Variants in HDGFL3 observed in about 807,000 individuals in gnomAD.
HDGFL3 encodes hepatoma-derived growth factor-related protein 3.
In HDGFL3, 6 loss-of-function variants were observed where a neutral mutation model predicts 27.6. That is an observed-to-expected ratio of 0.22 (90% CI 0.12 to 0.43). HDGFL3 has a LOEUF of 0.43. HDGFL3 is among the 20% of genes least tolerant of loss of function. HDGFL3 has a pLI of 1.00. For missense variants in HDGFL3, 207 were observed against 250.1 expected (o/e 0.83, Z 1.16); for synonymous variants, 88 against 88.9 (o/e 0.99, Z 0.05).
chr15:83,140,481 G>GT (rs11429826), intron 5 of HDGFL3, among the ~76,000 whole-genome samples: 83,350 of 135,060 alleles, frequency 0.62, 26,721 homozygotes, highest in East Asian at 0.84. Context: ...ACCAAAGAAA[G>GT]TTTTTTTTTT....
chr15:83,165,916 A>G (rs2151406832), intron 1 of HDGFL3, among the ~76,000 whole-genome samples: 1 of 152,138 alleles, frequency 6.6e-6, no homozygotes, highest in African/African-American at 2.4e-5. Context: ...AAAAAGAATT[A>G]TAAAAAATGA....
rs1483403256 is a variant in HDGFL3, at chr15:83,137,815, A to T, written c.*1455T>A. On this transcript the variant is annotated 3_prime_UTR_variant, in exon 6 of 6. Transcript: ENST00000299633. ...CTTTTAGGTCTGCTCACATTTTCTC[A>T]TGTTTTTATTAGCTCTCATCAAGAA... 1 of 152,108 alleles carries T rather than the reference A, an allele frequency of 6.6e-6. No homozygotes were observed. Among genetic ancestry groups the T allele is most frequent in the Non-Finnish European group, 1.5e-5 (1 of 67,988 alleles). The allele number at this position is 152,108 out of a possible 1,614,324, so 9.4% of individuals were successfully genotyped here.
chr15:83,152,890 A>C (rs1030826716), intron 4 of HDGFL3, among the ~76,000 whole-genome samples: 2 of 152,058 alleles, frequency 1.3e-5, no homozygotes, highest in African/African-American at 4.8e-5. Context: ...CAAGAATGAC[A>C]ATAGTAAAAG....
Position 83,151,899 on chromosome 15 carries a change from A to G in HDGFL3, c.460-538T>C, listed in dbSNP as rs758988097. Among the ~76,000 whole-genome samples the G allele has an allele frequency of 1.0e-3, 155 of 152,218 alleles. 1 individual carries two copies. Among genetic ancestry groups the G allele is most frequent in the Non-Finnish European group, 6.6e-4 (45 of 68,034 alleles). On this transcript the variant is annotated intron_variant, in intron 4 of 5. Transcript: ENST00000299633. ...TGTTTGATATAAACTAATCTTTTCA[A>G]TTGTGGAGCATTATTTAAGAACTCA... is the stretch of plus-strand genomic sequence containing the variant.
chr15:83,203,317 T>C (rs2037673501), intron 1 of HDGFL3, among the ~76,000 whole-genome samples: 1 of 152,046 alleles, frequency 6.6e-6, no homozygotes, highest in African/African-American at 2.4e-5. Flanking sequence ...AGCTAAAAAG[T>C]AAATTTTACT....
downstream of HDGFL3, among the ~76,000 whole-genome samples, chr15:83,125,641 G>T (rs1458935650): frequency 6.6e-6 from 1 of 152,176 alleles, no homozygotes; most frequent in Non-Finnish European, 1.5e-5. Flanking sequence ...AAATGAATTT[G>T]GGAAGTTTAG....
chr15:83,201,858 T>G (rs1038323786), intron 1 of HDGFL3, among the ~76,000 whole-genome samples: 3 of 152,112 alleles, frequency 2.0e-5, no homozygotes, highest in South Asian at 4.1e-4. Context: ...ATGAGACAAT[T>G]TGCCAAATCC....
intron 3 of HDGFL3, chr15:83,115,989 A>T (rs201444206): frequency 1.4e-6 from 2 of 1,385,440 alleles, no homozygotes; most frequent in Admixed American, 1.7e-5. Context: ...AAAGGCCACA[A>T]CCCAGATCAC....
chr15:83,118,678 C>T (rs1210099361), intron 3 of HDGFL3, among the ~76,000 whole-genome samples: 1 of 152,124 alleles, frequency 6.6e-6, no homozygotes, highest in Non-Finnish European at 1.5e-5. Context: ...TTGATCTGCA[C>T]TCTTCCTTGT....
intron 2 of HDGFL3, among the ~76,000 whole-genome samples, chr15:83,162,696 G>C (rs1376510189): frequency 6.6e-6 from 1 of 152,118 alleles, no homozygotes; most frequent in Non-Finnish European, 1.5e-5. Flanking sequence ...TGTCTTGAGA[G>C]GCTTCTCCTA....
chr15:83,165,901 A>G (rs1034213291), intron 1 of HDGFL3, among the ~76,000 whole-genome samples: 4 of 151,966 alleles, frequency 2.6e-5, no homozygotes, highest in African/African-American at 9.7e-5. Context: ...AGACAAAAAT[A>G]AAGGAAAAAG....
intron 2 of HDGFL3, 52 bp from the exon 3 acceptor site, chr15:83,158,093 A>C: frequency 6.9e-7 from 1 of 1,444,480 alleles, no homozygotes; most frequent in Non-Finnish European, 9.5e-7. Flanking sequence ...CAAAGGTAAG[A>C]TATTTTAAAT....
At chr15:83,202,654 A>G (rs759136868) in intron 1 of HDGFL3, among the ~76,000 whole-genome samples, 7 of 152,100 alleles carry the variant, frequency 4.6e-5, no homozygotes, top group Non-Finnish European at 8.8e-5. Context: ...TGTTTTTTAA[A>G]TTGAGGTATA....
At position 83,129,555 on chromosome 15, in the gene HDGFL3, A is replaced by G. The variant is rs1402274439; in HGVS notation, c.*9715T>C. ...GTCCACCTGAAATTATTTGCCTAAG[A>G]TTACAGTTATTAAATGGCAGAATAG... On this transcript the variant is annotated 3_prime_UTR_variant, in exon 6 of 6. Transcript: ENST00000299633. 6.6e-6 allele frequency: 1 copy of G among 152,204 alleles called. No individual in the cohort carries two copies. Among genetic ancestry groups the G allele is most frequent in the Non-Finnish European group, 1.5e-5 (1 of 68,036 alleles). 9.4% of individuals were successfully genotyped at this position (152,204 alleles called of 1,614,324 possible). A position where few individuals can be genotyped will look rare whatever the true frequency, so the allele number is the denominator to read the frequency against.
chr15:83,140,268 T>A (rs1264369237), intron 5 of HDGFL3, among the ~76,000 whole-genome samples: 2 of 152,142 alleles, frequency 1.3e-5, no homozygotes, highest in African/African-American at 4.8e-5. Flanking sequence ...TTTTTATCCT[T>A]CTGTCCCTAT....
chr15:83,114,258 C>T (rs1213117633), exon 4 of HDGFL3: 1 of 152,574 alleles, frequency 6.6e-6, no homozygotes, highest in East Asian at 1.9e-4. Context: ...ACCCTCAGCC[C>T]TCTGTCCTGG....
At chr15:83,125,249 G>A (rs1006926826), downstream of HDGFL3, among the ~76,000 whole-genome samples, 2 of 152,166 alleles carry the variant, frequency 1.3e-5, no homozygotes, top group African/African-American at 4.8e-5. Flanking sequence ...TAAGAGTAGT[G>A]TTGAGTAAAT....
chr15:83,124,413 T>A (rs1361335526), downstream of HDGFL3, among the ~76,000 whole-genome samples: 1 of 152,132 alleles, frequency 6.6e-6, no homozygotes, highest in African/African-American at 2.4e-5. Flanking sequence ...TAAAATGTCA[T>A]TTCAAGAAAA....
intron 3 of HDGFL3, 58 bp downstream of exon 3, chr15:83,157,845 A>C (rs2037053010): frequency 6.6e-7 from 1 of 1,510,916 alleles, no homozygotes; most frequent in Non-Finnish European, 9.1e-7. Context: ...AAAGATTTGA[A>C]AAAGCGTTAA....
Sources: allele counts gnomAD v4.1 joint callset (sites outside exome capture counted in the v4.1 genomes callset), GRCh38; gene constraint gnomAD v4.1.1; transcripts MANE v1.5; gene names NCBI Gene and HGNC (gene_info 2026-07-23, HGNC 2026-07-21).